Variants in GLIPR1L2 observed in about 807,000 individuals in gnomAD.
The protein encoded by GLIPR1L2 is GLIPR1-like protein 2.
Under a neutral mutation model 28.4 loss-of-function variants are expected in GLIPR1L2, and 21 were observed. The observed-to-expected ratio is 0.74, with a 90% CI of 0.52 to 1.06. GLIPR1L2 has a LOEUF of 1.06. Among genes scored for constraint, GLIPR1L2 ranks in the 50% least tolerant of loss-of-function variants. The probability of loss-of-function intolerance (pLI) is 0.00; values close to 1 mark genes in which losing one functional copy is unlikely to be tolerated. For synonymous variants in GLIPR1L2, 145 were observed against 139.3 expected (o/e 1.04, Z -0.29); for missense variants, 476 against 416.9 (o/e 1.14, Z -1.23).
chr12:75,402,486 A>G (rs940911768), intron 1 of GLIPR1L2, among the ~76,000 whole-genome samples: 43 of 152,366 alleles, frequency 2.8e-4, no homozygotes, highest in Admixed American at 1.1e-3. Context: ...TTATTTATCA[A>G]TATACATTGG....
At chr12:75,415,589 G>A (rs957538360) in intron 3 of GLIPR1L2, among the ~76,000 whole-genome samples, 12 of 152,074 alleles carry the variant, frequency 7.9e-5, no homozygotes, top group African/African-American at 2.9e-4. Context: ...CCAAAATCCA[G>A]ATGTTGACTA....
At position 75,393,163 on chromosome 12, in the gene GLIPR1L2, G is replaced by T. The variant is rs182511540; in HGVS notation, c.234+1813G>T. 2.7e-3 allele frequency among the ~76,000 whole-genome samples: 417 copies of T among 152,062 alleles called. 3 individuals are homozygous for T. Among genetic ancestry groups the T allele is most frequent in the African/African-American group, 9.6e-3 (400 of 41,500 alleles). On this transcript the variant is annotated intron_variant, in intron 1 of 5. Coordinates refer to ENST00000550916, the MANE Select transcript of GLIPR1L2 (RefSeq NM_001270396.2). The stretch of plus-strand genomic sequence containing the variant: ...ACTTTCCATCCTTATTCATGCTATT[G>T]CCGTGTAGTACTTTTGTTCTACCTT...
chr12:75,412,011 T>G (rs1233308147), intron 2 of GLIPR1L2, among the ~76,000 whole-genome samples: 1 of 152,038 alleles, frequency 6.6e-6, no homozygotes, highest in African/African-American at 2.4e-5. Context: ...CATTTTTTAA[T>G]GAAAAGGCCA....
intron 4 of GLIPR1L2, among the ~76,000 whole-genome samples, chr12:75,424,611 AAT>A (rs890279905): frequency 3.9e-4 from 28 of 72,440 alleles, no homozygotes; most frequent in South Asian, 1.5e-3. Flanking sequence ...ATGCCCAGCT[AAT>A]TTTTTTTTTT....
chr12:75,427,968 G>GA (rs1267724151), intron 4 of GLIPR1L2, among the ~76,000 whole-genome samples: 14 of 152,142 alleles, frequency 9.2e-5, no homozygotes, highest in African/African-American at 3.4e-4. Flanking sequence ...TTAGCAGTGT[G>GA]AAAATCAACT....
chr12:75,422,805 C>G, intron 3 of GLIPR1L2, 99 bp from the exon 4 acceptor site: 1 of 965,312 alleles, frequency 1.0e-6, no homozygotes, highest in South Asian at 1.6e-5. Flanking sequence ...CTTAACCCGC[C>G]TTTTTAACCT....
rs1417531581 is a variant in GLIPR1L2, at chr12:75,423,028, G to A, written c.670+39G>A. The A allele has an allele frequency of 3.8e-6, 6 of 1,576,614 alleles. No homozygotes were observed. The highest frequency in any genetic ancestry group is 4.6e-5 in the East Asian group (2 of 43,540). ...AATAAACATGAAAAAAATGCATAATGGATTGGACAAGAAAAATAAGCGATT... is the reference window on the plus strand; with the variant it reads ...AATAAACATGAAAAAAATGCATAATAGATTGGACAAGAAAAATAAGCGATT... On this transcript the variant is annotated intron_variant, in intron 4 of 5. Coordinates refer to ENST00000550916, the MANE Select transcript of GLIPR1L2 (RefSeq NM_001270396.2).
At chr12:75,413,455 T>A in intron 2 of GLIPR1L2, 143 bp from the exon 3 acceptor site, 1 of 523,612 alleles carries the variant, frequency 1.9e-6, no homozygotes, top group South Asian at 3.2e-5. Context: ...GGTAACTCTC[T>A]ACATGTCTCT....
At chr12:75,401,589 A>T (rs1594004225) in intron 1 of GLIPR1L2, among the ~76,000 whole-genome samples, 3 of 152,194 alleles carry the variant, frequency 2.0e-5, no homozygotes, top group Admixed American at 2.0e-4. Context: ...TAATCCTGTC[A>T]ATAAGGGATT....
Position 75,391,139 on chromosome 12 carries a change from C to A in GLIPR1L2, c.23C>A (p.Ala8Asp). The A allele has an allele frequency of 6.2e-7, 1 of 1,613,848 alleles. No individual in the cohort carries two copies. Among genetic ancestry groups the A allele is most frequent in the East Asian group, 2.2e-5 (1 of 44,850 alleles). The change falls in exon 1 of 6, where the codon GCC (alanine) becomes GAC (aspartate). Residue 8 changes from alanine (A) to aspartate (D), a missense_variant. Transcript: ENST00000550916. MEAARPF[A>D]REWRAQSLPL... ...ACCATGGAGGCCGCAAGGCCCTTCG[C>A]CCGGGAGTGGAGGGCCCAGTCCCTA...
rs1370596464 is a variant in GLIPR1L2 at position 75,432,681 on chromosome 12, CT to C, written c.*1521del. 2.0e-5 allele frequency: 3 copies of C among 151,440 alleles called. No homozygotes were observed. Among genetic ancestry groups the C allele is most frequent in the Non-Finnish European group, 4.4e-5 (3 of 67,886 alleles). 9.4% of individuals were successfully genotyped at this position (151,440 alleles called of 1,614,324 possible). ...TTATATTAAAAAGCCCTGAGCTATCCTCTTGGATTTGAATGTTTCTGTTTGG... is the reference window on the plus strand; with the variant it reads ...TTATATTAAAAAGCCCTGAGCTATCCCTTGGATTTGAATGTTTCTGTTTGG... On this transcript the variant is annotated 3_prime_UTR_variant, in exon 6 of 6. Transcript: ENST00000550916.
intron 1 of GLIPR1L2, among the ~76,000 whole-genome samples, chr12:75,403,551 T>C (rs2045765220): frequency 6.6e-6 from 1 of 152,146 alleles, no homozygotes; most frequent in Non-Finnish European, 1.5e-5. Flanking sequence ...TATGTCGGCT[T>C]CCTTTTTTGT....
rs763408262 is a variant in GLIPR1L2 at position 75,410,593 on chromosome 12, A to G, written c.394A>G (p.Ile132Val). Residue 132 changes from isoleucine to valine, a missense_variant, in exon 2 of 6, where the codon ATT (isoleucine) becomes GTT (valine). Transcript: ENST00000550916. ...CCCTGAAAATGAATTTACTGCAAGT[A>G]TTGCTATCAGAAGTTGGCATGCAGA... ...VGPENEFTAS[I>V]AIRSWHAEKK... The G allele has an allele frequency of 1.6e-5, 25 of 1,612,226 alleles. No homozygotes were observed. The highest frequency in any genetic ancestry group is 2.0e-5 in the Non-Finnish European group (24 of 1,178,898).
intron 4 of GLIPR1L2, chr12:75,423,254 C>A (rs1453864564): frequency 6.3e-6 from 8 of 1,276,438 alleles, no homozygotes; most frequent in Non-Finnish European, 6.9e-6. Flanking sequence ...AACAGTTATA[C>A]CCTTAAAAAG....
chr12:75,423,912 G>A (rs1181063786), intron 4 of GLIPR1L2: 1 of 152,156 alleles, frequency 6.6e-6, no homozygotes, highest in Non-Finnish European at 1.5e-5. Context: ...CTTTTTTATG[G>A]CTGCATAGTA....
intron 3 of GLIPR1L2, among the ~76,000 whole-genome samples, chr12:75,421,627 T>A (rs909778669): frequency 3.3e-5 from 5 of 152,208 alleles, no homozygotes; most frequent in Non-Finnish European, 5.9e-5. Flanking sequence ...TTTTTCTACC[T>A]TTCTTATCCT....
At chr12:75,410,319 C>T (rs1171953538) in intron 1 of GLIPR1L2, 115 bp from the exon 2 acceptor site, 1 of 972,336 alleles carries the variant, frequency 1.0e-6, no homozygotes, top group African/African-American at 1.7e-5. Flanking sequence ...AACCAAGATG[C>T]ACAAGTACAA....
intron 1 of GLIPR1L2, among the ~76,000 whole-genome samples, chr12:75,405,616 A>G (rs2045789326): frequency 6.7e-6 from 1 of 148,982 alleles, no homozygotes; most frequent in Admixed American, 6.8e-5. Flanking sequence ...TGCCCTCAGC[A>G]TTCTTTCTGG....
intron 3 of GLIPR1L2, among the ~76,000 whole-genome samples, chr12:75,415,941 A>G (rs1194284375): frequency 6.6e-6 from 1 of 151,872 alleles, no homozygotes; most frequent in Non-Finnish European, 1.5e-5. Context: ...TTATAATATA[A>G]TTATGGAAGT....
Sources: gnomAD v4.1 joint callset for allele counts (sites outside exome capture counted in the v4.1 genomes callset) on GRCh38, gnomAD v4.1.1 for gene constraint, MANE v1.5 for transcripts, NCBI Gene and HGNC (gene_info 2026-07-23, HGNC 2026-07-21) for gene names.